KLHL28: variants seen among roughly 807,000 people sequenced by gnomAD.
KLHL28 encodes the protein kelch like family member 28, also known as kelch-like protein 28.
A neutral mutation model predicts 48.3 loss-of-function variants in KLHL28; 22 were observed. The observed-to-expected ratio is 0.46, with a 90% CI of 0.33 to 0.65. The LOEUF is 0.65. Ranked by LOEUF, KLHL28 falls within the 30% of genes least tolerant of loss-of-function variation. The pLI is 0.03. For synonymous variants in KLHL28, 243 were observed against 242.4 expected (o/e 1.00, Z -0.02); for missense variants, 527 against 704.3 (o/e 0.75, Z 2.85).
chr14:44,938,465 G>A (rs867251840), intron 2 of KLHL28, among the ~76,000 whole-genome samples: 2 of 151,616 alleles, frequency 1.3e-5, no homozygotes, highest in Non-Finnish European at 2.9e-5. Context: ...TCCGCCTCCC[G>A]GGTTCACACC....
chr14:44,933,133 G>T (rs755455843), intron 3 of KLHL28, among the ~76,000 whole-genome samples: 9 of 151,850 alleles, frequency 5.9e-5, no homozygotes, highest in African/African-American at 9.7e-5. Flanking sequence ...GTATTATTTT[G>T]TTTTTTATTA....
chr14:44,932,172 G>GC (rs1285942064), intron 3 of KLHL28, among the ~76,000 whole-genome samples: 1 of 143,950 alleles, frequency 6.9e-6, no homozygotes, highest in Non-Finnish European at 1.5e-5. Context: ...AAAGGTACAT[G>GC]CCCCCATGCC....
intron 1 of KLHL28, among the ~76,000 whole-genome samples, chr14:44,946,438 T>G (rs1884338823): frequency 6.6e-6 from 1 of 152,156 alleles, no homozygotes; most frequent in Admixed American, 6.5e-5. Context: ...GTGCTGAATT[T>G]AATGAAGGTA....
At chr14:44,930,197 T>C (rs968192534) in intron 4 of KLHL28, among the ~76,000 whole-genome samples, 3 of 152,218 alleles carry the variant, frequency 2.0e-5, no homozygotes, top group African/African-American at 7.2e-5. Context: ...CTTTTCAGTT[T>C]CTCTTGCATG....
Position 44,927,806 on chromosome 14 carries a change from T to C in KLHL28, c.*1222A>G, listed in dbSNP as rs1406642635. 2 of 152,630 alleles carry C rather than the reference T, an allele frequency of 1.3e-5. No homozygotes were observed. Among genetic ancestry groups the C allele is most frequent in the African/African-American group, 2.4e-5 (1 of 41,460 alleles). The allele number at this position is 152,630 out of a possible 1,614,324, so 9.5% of individuals were successfully genotyped here. On this transcript the variant is annotated 3_prime_UTR_variant, in exon 5 of 5. Transcript: ENST00000396128. Reference sequence around the variant, plus strand: ...TAATGCATAACTGCCTAGTGCTTTATATTTAATGCATATATTTCTGTTTTT... The same window carrying C: ...TAATGCATAACTGCCTAGTGCTTTACATTTAATGCATATATTTCTGTTTTT...
rs975498723 is a variant in KLHL28 at position 44,945,478 on chromosome 14, C to T, written c.451G>A (p.Asp151Asn). The T allele has an allele frequency of 5.6e-6, 9 of 1,614,028 alleles. No homozygotes were observed. In the African/African-American group the frequency reaches 6.7e-5, roughly 12 times the overall value. Residue 151 changes from aspartate to asparagine, a missense_variant, in exon 2 of 5, where the codon GAC (aspartate) becomes AAC (asparagine). Coordinates refer to ENST00000396128, the MANE Select transcript of KLHL28 (RefSeq NM_017658.5). ...SRFAETYGCRDLYLAATKYIC... is the reference protein window; with the variant it reads ...SRFAETYGCRNLYLAATKYIC... ...TATTTAGTGGCTGCCAAATAAAGGT[C>T]ACGGCAACCATATGTTTCTGCAAAA...
chr14:44,940,598 T>C (rs1470860159), intron 2 of KLHL28, among the ~76,000 whole-genome samples: 1 of 152,122 alleles, frequency 6.6e-6, no homozygotes, highest in Admixed American at 6.5e-5. Context: ...CCTCTCTTAA[T>C]TAAAGAAAAA....
Position 44,934,318 on chromosome 14 carries a change from T to G in KLHL28, c.1140A>C (p.Gly380=). ...AAAGTTCTCCTGCAAGTACTACTAC[T>G]CCAAGAGTACTTCGGCTTTCATTCA... ...ERMNESRSTL[G]VVVLAGELYA... is the part of the protein sequence containing the mutation. The change falls in exon 3 of 5, where the codon GGA becomes GGC. Residue 380 remains glycine (G), a synonymous_variant. Transcript: ENST00000396128. The G allele has an allele frequency of 6.2e-7, 1 of 1,614,008 alleles. No individual in the cohort carries two copies. Among genetic ancestry groups the G allele is most frequent in the Middle Eastern group, 1.6e-4 (1 of 6,062 alleles).
Position 44,951,671 on chromosome 14 carries a change from G to A in KLHL28, c.1-5743C>T, listed in dbSNP as rs533114766. The stretch of plus-strand genomic sequence containing the variant: ...CTAGCATATTTTTATAATTGTATTA[G>A]ATGCAAATGATATACTTTCATTCCT... On this transcript the variant is annotated intron_variant, in intron 1 of 4. Transcript: ENST00000396128. 2.0e-5 allele frequency among the ~76,000 whole-genome samples: 3 copies of A among 152,284 alleles called. No homozygotes were observed. The East Asian group carries it at 5.8e-4, about 29-fold the overall frequency.
Position 44,945,581 on chromosome 14 carries a change from C to G in KLHL28, c.348G>C (p.Gln116His). The G allele has an allele frequency of 1.2e-6, 2 of 1,614,160 alleles. No individual in the cohort carries two copies. The highest frequency in any genetic ancestry group is 1.7e-6 in the Non-Finnish European group (2 of 1,180,030). The change falls in exon 2 of 5, where the codon CAG (glutamine) becomes CAC (histidine). Residue 116 changes from glutamine (Q) to histidine (H), a missense_variant. Transcript: ENST00000396128. ...AACATTCTTTCAGGACAAGTTTTATCTGGAGTAGGTTTGCTGCTGGCAGGA... is the reference window on the plus strand; with the variant it reads ...AACATTCTTTCAGGACAAGTTTTATGTGGAGTAGGTTTGCTGCTGGCAGGA... Reference protein sequence around the residue: ...ESLLPAANLLQIKLVLKECCA... With the variant: ...ESLLPAANLLHIKLVLKECCA...
At chr14:44,933,970 T>G (rs1883696384) in intron 3 of KLHL28, 145 bp downstream of exon 3, 2 of 583,228 alleles carry the variant, frequency 3.4e-6, no homozygotes, top group African/African-American at 3.7e-5. Flanking sequence ...GTAAAACAAT[T>G]ACAATTATAT....
intron 1 of KLHL28, among the ~76,000 whole-genome samples, chr14:44,960,724 A>AAAAC (rs1555339959): frequency 7.9e-5 from 2 of 25,344 alleles, no homozygotes; most frequent in African/African-American, 1.9e-4. Context: ...CCACCCCCCC[A>AAAAC]AAAACAAAAC....
intron 1 of KLHL28, among the ~76,000 whole-genome samples, chr14:44,954,039 A>G (rs1176630391): frequency 2.0e-5 from 3 of 152,206 alleles, no homozygotes; most frequent in Non-Finnish European, 4.4e-5. Context: ...TTTGTTAAAA[A>G]CATAAATGAT....
chr14:44,961,122 T>A, intron 1 of KLHL28: 1 of 423,174 alleles, frequency 2.4e-6, no homozygotes, highest in South Asian at 4.9e-5. Context: ...AATTCTCAGT[T>A]CGCCTAAAAT....
intron 2 of KLHL28, among the ~76,000 whole-genome samples, chr14:44,935,864 G>GTGTATATATATATA (rs1566564854): frequency 6.3e-5 from 3 of 47,810 alleles, no homozygotes; most frequent in Non-Finnish European, 1.6e-4. Context: ...GTATGTATGT[G>GTGTATATATATATA]TATGTGTATG....
At chr14:44,960,425 C>T (rs1376522888) in intron 1 of KLHL28, among the ~76,000 whole-genome samples, 1 of 152,144 alleles carries the variant, frequency 6.6e-6, no homozygotes, top group African/African-American at 2.4e-5. Flanking sequence ...CTGGGTTCCT[C>T]AAGTCTGGGC....
chr14:44,933,395 C>A (rs1883669686), intron 3 of KLHL28, among the ~76,000 whole-genome samples: 2 of 151,360 alleles, frequency 1.3e-5, no homozygotes, highest in Non-Finnish European at 2.9e-5. Flanking sequence ...ACTGCAGCCT[C>A]AACCTCCTGG....
At chr14:44,933,342 A>T in intron 3 of KLHL28, among the ~76,000 whole-genome samples, 1 of 146,336 alleles carries the variant, frequency 6.8e-6, no homozygotes. Flanking sequence ...ACAGGGTCTC[A>T]CTCTGTTGCT....
rs190644946 is a variant in KLHL28, at chr14:44,958,955, A to G, written c.-1+2891T>C. 2.6e-5 allele frequency among the ~76,000 whole-genome samples: 4 copies of G among 152,150 alleles called. No homozygotes were observed. In the East Asian group the frequency reaches 7.7e-4, roughly 29 times the overall value. ...AAACTGATTCAATCCTGTATAAAAT[A>G]AGCTCATAATTTCTTAACTTATTAA... is the stretch of plus-strand genomic sequence containing the variant. On this transcript the variant is annotated intron_variant, in intron 1 of 4. Transcript: ENST00000396128.
Sources: gnomAD v4.1 joint callset for allele counts (sites outside exome capture counted in the v4.1 genomes callset) on GRCh38, gnomAD v4.1.1 for gene constraint, MANE v1.5 for transcripts, NCBI Gene and HGNC (gene_info 2026-07-23, HGNC 2026-07-21) for gene names.